The following NRXN1 variants were observed in gnomAD, a reference collection of about 807,000 sequenced individuals.
NRXN1 encodes neurexin 1.
Under a neutral mutation model 150.9 loss-of-function variants are expected in NRXN1, and 39 were observed. The observed-to-expected ratio is 0.26, with a 90% CI of 0.20 to 0.34. NRXN1 has a LOEUF of 0.34. Ranked by LOEUF, NRXN1 falls within the 10% of genes least tolerant of loss-of-function variation. The pLI, the probability that NRXN1 is intolerant of heterozygous loss-of-function variation, is 1.00. For missense variants in NRXN1, 1,815 were observed against 1,949.9 expected, an observed-to-expected ratio of 0.93 and a Z score of 1.30; for synonymous variants, 924 against 757.0, an observed-to-expected ratio of 1.22 and a Z score of -3.62.
chr2:50,452,963 T>G (rs2139628), intron 17 of NRXN1, among the ~76,000 whole-genome samples: 84,111 of 152,034 alleles, frequency 0.55, 26,963 homozygotes, highest in East Asian at 0.92. Flanking sequence ...ACATTTTCAA[T>G]ATTGCCAGCC....
chr2:50,695,466 T>C (rs1331557894), intron 5 of NRXN1, among the ~76,000 whole-genome samples: 1 of 152,158 alleles, frequency 6.6e-6, no homozygotes. Context: ...CTATTAACTA[T>C]GGGTAATCCC....
intron 5 of NRXN1, among the ~76,000 whole-genome samples, chr2:50,706,466 T>G (rs777296349): frequency 6.6e-6 from 1 of 152,062 alleles, no homozygotes; most frequent in African/African-American, 2.4e-5. Flanking sequence ...GGAAACTTGA[T>G]AGCAATTGGA....
At chr2:50,007,938 A>G (rs190116771) in intron 21 of NRXN1, among the ~76,000 whole-genome samples, 1 of 152,208 alleles carries the variant, frequency 6.6e-6, no homozygotes, top group African/African-American at 2.4e-5. Context: ...CTAACTCCCA[A>G]TGCTGTCTAC....
At chr2:50,342,740 A>C (rs907381948) in intron 17 of NRXN1, among the ~76,000 whole-genome samples, 1 of 152,356 alleles carries the variant, frequency 6.6e-6, no homozygotes, top group Admixed American at 6.5e-5. Flanking sequence ...TCAACCATTA[A>C]ACGGCATAGA....
intron 15 of NRXN1, among the ~76,000 whole-genome samples, chr2:50,492,359 C>A (rs1394642977): frequency 6.6e-6 from 1 of 152,256 alleles, no homozygotes; most frequent in South Asian, 2.1e-4. Flanking sequence ...TGAACAAGGC[C>A]AGCTGCATGG....
chr2:50,572,441 G>C, intron 8 of NRXN1, among the ~76,000 whole-genome samples: 1 of 152,050 alleles, frequency 6.6e-6, no homozygotes, highest in East Asian at 1.9e-4. Context: ...TCTTTCATAA[G>C]AATAGACTTA....
At chr2:49,962,771 G>A (rs901443105) in intron 21 of NRXN1, among the ~76,000 whole-genome samples, 3 of 152,006 alleles carry the variant, frequency 2.0e-5, no homozygotes, top group Non-Finnish European at 4.4e-5. Flanking sequence ...TGGCTAACAC[G>A]GTGAAACCTC....
chr2:50,070,391 A>C (rs1319190034), intron 19 of NRXN1, among the ~76,000 whole-genome samples: 1 of 152,146 alleles, frequency 6.6e-6, no homozygotes, highest in African/African-American at 2.4e-5. Flanking sequence ...TGATCATGGG[A>C]TCAGTACTTT....
At chr2:50,298,025 T>A (rs1261316603) in intron 17 of NRXN1, among the ~76,000 whole-genome samples, 2 of 152,124 alleles carry the variant, frequency 1.3e-5, no homozygotes, top group Non-Finnish European at 2.9e-5. Flanking sequence ...CTCAATATTT[T>A]AGCTTTCCCT....
intron 21 of NRXN1, among the ~76,000 whole-genome samples, chr2:50,009,351 A>G (rs1314568235): frequency 6.6e-6 from 1 of 152,130 alleles, no homozygotes; most frequent in Non-Finnish European, 1.5e-5. Flanking sequence ...GTATTTTCCA[A>G]TTCCTTCACT....
chr2:50,752,509 G>C (rs570251990), intron 5 of NRXN1, among the ~76,000 whole-genome samples: 1 of 151,914 alleles, frequency 6.6e-6, no homozygotes, highest in Non-Finnish European at 1.5e-5. Flanking sequence ...TGCTGATCTG[G>C]AGAGATGAAT....
At chr2:50,600,471 T>C (rs1367289269) in intron 8 of NRXN1, among the ~76,000 whole-genome samples, 2 of 151,918 alleles carry the variant, frequency 1.3e-5, no homozygotes, top group East Asian at 3.9e-4. Context: ...ATTACAGGCG[T>C]GTGCCACCAT....
chr2:49,984,034 T>C (rs1680470900), intron 21 of NRXN1, among the ~76,000 whole-genome samples: 1 of 151,778 alleles, frequency 6.6e-6, no homozygotes, highest in African/African-American at 2.4e-5. Context: ...GGTGTGGTAA[T>C]ACAGCACCTG....
At chr2:50,446,039 A>T (rs1393494516) in intron 17 of NRXN1, among the ~76,000 whole-genome samples, 1 of 152,168 alleles carries the variant, frequency 6.6e-6, no homozygotes, top group Admixed American at 6.5e-5. Context: ...AGATATTTAT[A>T]CTGTATTGTA....
intron 2 of NRXN1, among the ~76,000 whole-genome samples, chr2:50,939,494 T>C (rs1462932975): frequency 1.3e-5 from 2 of 152,060 alleles, no homozygotes; most frequent in African/African-American, 4.8e-5. Context: ...CTATTTTTAT[T>C]GGATAGGATG....
rs140935961 is a variant in NRXN1 at position 50,455,134 on chromosome 2, G to A, written c.3364+10308C>T. On this transcript the variant is annotated intron_variant, in intron 17 of 22. Transcript: ENST00000401669. Reference sequence around the variant, plus strand: ...GAACAAAGCATGCTGTAGAGTTGTCGCATAAGATTGTGGAGGAACTTAAAT... The same window carrying A: ...GAACAAAGCATGCTGTAGAGTTGTCACATAAGATTGTGGAGGAACTTAAAT... Among the ~76,000 whole-genome samples, 1,388 of 152,254 alleles carry A rather than the reference G, an allele frequency of 9.1e-3. 15 individuals carry two copies. Among genetic ancestry groups the A allele is most frequent in the African/African-American group, 0.022 (895 of 41,552 alleles).
At chr2:50,877,923 C>A (rs1375658191) in intron 5 of NRXN1, among the ~76,000 whole-genome samples, 1 of 151,964 alleles carries the variant, frequency 6.6e-6, no homozygotes, top group Non-Finnish European at 1.5e-5. Context: ...TAAATGTTAA[C>A]TGATTGTGAT....
chr2:50,137,276 C>G (rs529705732), intron 18 of NRXN1, among the ~76,000 whole-genome samples: 2 of 152,200 alleles, frequency 1.3e-5, no homozygotes, highest in South Asian at 4.2e-4. Context: ...TATATACAAA[C>G]CAGTGATGCA....
At chr2:49,936,541 G>A (rs1671061427) in intron 22 of NRXN1, among the ~76,000 whole-genome samples, 1 of 151,996 alleles carries the variant, frequency 6.6e-6, no homozygotes, top group African/African-American at 2.4e-5. Context: ...TACAGACTAG[G>A]AAACTGAGCA....
Sources: gnomAD v4.1 joint callset for allele counts (sites outside exome capture counted in the v4.1 genomes callset) on GRCh38, gnomAD v4.1.1 for gene constraint, MANE v1.5 for transcripts, NCBI Gene and HGNC (gene_info 2026-07-23, HGNC 2026-07-21) for gene names.